Variants in RAB32 observed in about 807,000 individuals in gnomAD.
RAB32 encodes the protein RAB32, member RAS oncogene family.
A neutral mutation model predicts 17.5 loss-of-function variants in RAB32; 17 were observed. The observed-to-expected ratio is 0.97, with a 90% CI of 0.67 to 1.46. RAB32 has a LOEUF of 1.46. Ranked by LOEUF, RAB32 falls within the 40% of genes most tolerant of loss-of-function variation. The probability of loss-of-function intolerance (pLI) is 0.00; values close to 1 mark genes in which losing one functional copy is unlikely to be tolerated. For synonymous variants in RAB32, 115 were observed against 111.1 expected (o/e 1.04, Z -0.22); for missense variants, 288 against 284.3 (o/e 1.01, Z -0.09).
intron 1 of RAB32, 93 bp from the exon 2 acceptor site, chr6:146,549,371 C>T: frequency 1.0e-6 from 1 of 985,888 alleles, no homozygotes; most frequent in Non-Finnish European, 1.5e-6. Flanking sequence ...GACATTTGTT[C>T]ATAGTGTTGC....
chr6:146,554,808 G>T lies in RAB32; in HGVS notation c.*203G>T. On this transcript the variant is annotated 3_prime_UTR_variant, in exon 3 of 3. Coordinates refer to ENST00000367495, the MANE Select transcript of RAB32 (RefSeq NM_006834.5). ...TCTGTAACTTAACAGATGACAATTAGGCTTTTGTCATTGTTGCCATCATAT... is the reference window on the plus strand; with the variant it reads ...TCTGTAACTTAACAGATGACAATTATGCTTTTGTCATTGTTGCCATCATAT... The T allele has an allele frequency of 2.2e-6, 1 of 455,602 alleles. No individual in the cohort carries two copies. The highest frequency in any genetic ancestry group is 3.9e-6 in the Non-Finnish European group (1 of 258,802). The allele number at this position is 455,602 out of a possible 1,614,324, so 28.2% of individuals were successfully genotyped here.
intron 1 of RAB32, among the ~76,000 whole-genome samples, chr6:146,547,722 C>CAAAAAAAAAAAAAA (rs34641788): frequency 9.1e-6 from 1 of 109,620 alleles, no homozygotes. Flanking sequence ...AGATGATTCA[C>CAAAAAAAAAAAAAA]AAAAAAAAAA....
At chr6:146,551,592 G>GA (rs35080011) in intron 2 of RAB32, among the ~76,000 whole-genome samples, 87,360 of 144,732 alleles carry the variant, frequency 0.6, 27,858 homozygotes, top group Non-Finnish European at 0.71. Flanking sequence ...GTAAAAAGAC[G>GA]AAAAAAAAAA....
intron 2 of RAB32, among the ~76,000 whole-genome samples, chr6:146,551,580 C>CTTT (rs1779899137): frequency 8.8e-6 from 1 of 114,014 alleles, no homozygotes; most frequent in Non-Finnish European, 1.8e-5. Flanking sequence ...GCCAGCTTTG[C>CTTT]TGTAAAAAGA....
At chr6:146,546,733 C>G (rs1779826513) in intron 1 of RAB32, among the ~76,000 whole-genome samples, 1 of 150,338 alleles carries the variant, frequency 6.7e-6, no homozygotes, top group South Asian at 2.1e-4. Context: ...GTAGATAGAG[C>G]CAGCTACTTG....
intron 2 of RAB32, among the ~76,000 whole-genome samples, chr6:146,551,720 T>G (rs1404487720): frequency 6.6e-6 from 1 of 152,190 alleles, no homozygotes; most frequent in Non-Finnish European, 1.5e-5. Flanking sequence ...AAATCCAGAT[T>G]TGCCCCCAGA....
At chr6:146,545,272 GA>G (rs376504722) in intron 1 of RAB32, among the ~76,000 whole-genome samples, 6,109 of 121,534 alleles carry the variant, frequency 0.05, 322 homozygotes, top group African/African-American at 0.14. Context: ...CCCTATCTCA[GA>G]AAAAAAAAAA....
At chr6:146,554,061 C>T (rs1779928635) in intron 2 of RAB32, among the ~76,000 whole-genome samples, 1 of 152,004 alleles carries the variant, frequency 6.6e-6, no homozygotes, top group East Asian at 1.9e-4. Context: ...GTTGTTTGAG[C>T]CCTTTCAGTT....
At chr6:146,547,238 AT>A (rs1779835182) in intron 1 of RAB32, among the ~76,000 whole-genome samples, 1 of 152,130 alleles carries the variant, frequency 6.6e-6, no homozygotes, top group African/African-American at 2.4e-5. Context: ...TTGGTTTACT[AT>A]TATATGCTTA....
At chr6:146,546,904 T>C (rs1235044163) in intron 1 of RAB32, among the ~76,000 whole-genome samples, 3 of 151,914 alleles carry the variant, frequency 2.0e-5, no homozygotes, top group South Asian at 4.2e-4. Flanking sequence ...TCAAATGTTT[T>C]CTACACATGT....
At chr6:146,547,451 A>G (rs1050064562) in intron 1 of RAB32, among the ~76,000 whole-genome samples, 1 of 152,104 alleles carries the variant, frequency 6.6e-6, no homozygotes, top group Non-Finnish European at 1.5e-5. Flanking sequence ...CAAATTGGGA[A>G]CAGTCTGCTC....
chr6:146,548,628 C>T (rs1331261268), intron 1 of RAB32, among the ~76,000 whole-genome samples: 1 of 152,186 alleles, frequency 6.6e-6, no homozygotes, highest in Non-Finnish European at 1.5e-5. Flanking sequence ...GGATTCTAGT[C>T]CTGTCTTCTT....
chr6:146,553,340 C>A (rs1779918295), intron 2 of RAB32, among the ~76,000 whole-genome samples: 1 of 152,154 alleles, frequency 6.6e-6, no homozygotes, highest in Admixed American at 6.5e-5. Flanking sequence ...AAAATAATAA[C>A]TTTTCTGTGG....
chr6:146,551,801 T>C (rs1342287082), intron 2 of RAB32, among the ~76,000 whole-genome samples: 1 of 152,140 alleles, frequency 6.6e-6, no homozygotes, highest in African/African-American at 2.4e-5. Context: ...ATGGATAGGA[T>C]TACACGCAGA....
intron 2 of RAB32, among the ~76,000 whole-genome samples, chr6:146,553,052 TC>T (rs1448676632): frequency 1.3e-5 from 2 of 152,186 alleles, no homozygotes; most frequent in African/African-American, 4.8e-5. Context: ...GAAGGGAACC[TC>T]TTTCTTTTTT....
chr6:146,548,726 A>C (rs1030752007), intron 1 of RAB32, among the ~76,000 whole-genome samples: 3 of 152,208 alleles, frequency 2.0e-5, no homozygotes, highest in African/African-American at 7.2e-5. Context: ...CCTATGCCAA[A>C]GATTAGTACA....
rs558825462 is a variant in RAB32, at chr6:146,549,856, A to G, written c.528+115A>G. 1.2e-5 allele frequency: 15 copies of G among 1,222,640 alleles called. No individual in the cohort carries two copies. The South Asian group carries it at 1.7e-4, about 14-fold the overall frequency. 75.7% of individuals were successfully genotyped at this position (1,222,640 alleles called of 1,614,324 possible). A position where few individuals can be genotyped will look rare whatever the true frequency, so the allele number is the denominator to read the frequency against. Reference sequence around the variant, plus strand: ...GGTGTTTGAAAGTCTGGAAAATGAGAAGTGTAGCATGGATGTGTTATAGCT... The same window carrying G: ...GGTGTTTGAAAGTCTGGAAAATGAGGAGTGTAGCATGGATGTGTTATAGCT... On this transcript the variant is annotated intron_variant, in intron 2 of 2. Transcript: ENST00000367495.
In RAB32 at chr6:146,544,345, A is replaced by G. The variant is rs912512296; in HGVS notation, c.250+224A>G. Among the ~76,000 whole-genome samples the G allele has an allele frequency of 2.0e-5, 3 of 152,202 alleles. No homozygotes were observed. The South Asian group carries it at 6.2e-4, about 32-fold the overall frequency. On this transcript the variant is annotated intron_variant, in intron 1 of 2. Coordinates refer to ENST00000367495, the MANE Select transcript of RAB32 (RefSeq NM_006834.5). ...GGAGTTGGAGCAGGTCCTGCACGCC[A>G]GAGCTCGCTCTCCTGAAGGGAGGCG...
chr6:146,544,073 A>G lies in RAB32; in HGVS notation c.202A>G (p.Asn68Asp), dbSNP rs1407004789. 4.3e-6 allele frequency: 7 copies of G among 1,613,720 alleles called. No homozygotes were observed. Among genetic ancestry groups the G allele is most frequent in the East Asian group, 2.2e-5 (1 of 44,778 alleles). ...IGVDFALKVL[N>D]WDSRTLVRLQ... ...GGTGGACTTCGCCCTCAAGGTCCTCAACTGGGACAGCAGGACTCTGGTGCG... is the reference window on the plus strand; with the variant it reads ...GGTGGACTTCGCCCTCAAGGTCCTCGACTGGGACAGCAGGACTCTGGTGCG... The change falls in exon 1 of 3, where the codon AAC becomes GAC. Residue 68 changes from asparagine to aspartate, a missense_variant. Coordinates refer to ENST00000367495, the MANE Select transcript of RAB32 (RefSeq NM_006834.5).
Sources: gnomAD v4.1 joint callset for allele counts (sites outside exome capture counted in the v4.1 genomes callset) on GRCh38, gnomAD v4.1.1 for gene constraint, MANE v1.5 for transcripts, NCBI Gene and HGNC (gene_info 2026-07-23, HGNC 2026-07-21) for gene names.